The following PTPRT variants were observed in gnomAD, a reference collection of about 807,000 sequenced individuals.
PTPRT encodes the protein protein tyrosine phosphatase receptor type T.
PTPRT carries 56 observed loss-of-function variants against 176.8 expected under a neutral mutation model. The ratio of observed to expected loss-of-function variants is 0.32; its 90% CI spans 0.26 to 0.40. The LOEUF is 0.40. Ranked by LOEUF, PTPRT falls within the 10% of genes least tolerant of loss-of-function variation. The pLI is 1.00. For synonymous variants in PTPRT, 783 were observed against 739.0 expected (o/e 1.06, Z -0.96); for missense variants, 1,540 against 1,908.2 (o/e 0.81, Z 3.60).
At chr20:43,079,295 A>G (rs2011373968) in intron 1 of PTPRT, among the ~76,000 whole-genome samples, 1 of 148,498 alleles carries the variant, frequency 6.7e-6, no homozygotes, top group African/African-American at 2.5e-5. Flanking sequence ...CCTTCAGTCA[A>G]CTCTCAGGAT....
intron 11 of PTPRT, among the ~76,000 whole-genome samples, chr20:42,349,326 C>T (rs1600870241): frequency 6.6e-6 from 1 of 152,326 alleles, no homozygotes; most frequent in East Asian, 1.9e-4. Flanking sequence ...TTATAGCATG[C>T]TGTCTCTCTC....
chr20:42,270,356 G>T, intron 13 of PTPRT: 1 of 1,510,486 alleles, frequency 6.6e-7, no homozygotes, highest in Non-Finnish European at 9.0e-7. Flanking sequence ...CTGAGTGTGG[G>T]CAACTCTCCC....
At chr20:42,584,995 T>C (rs2073446964) in intron 7 of PTPRT, among the ~76,000 whole-genome samples, 1 of 152,208 alleles carries the variant, frequency 6.6e-6, no homozygotes, top group Non-Finnish European at 1.5e-5. Flanking sequence ...CCCATCCTGC[T>C]AGGGATGTGT....
intron 2 of PTPRT, among the ~76,000 whole-genome samples, chr20:42,832,219 A>G (rs1486204230): frequency 6.6e-6 from 1 of 152,232 alleles, no homozygotes; most frequent in Admixed American, 6.5e-5. Context: ...GTCTTGCAGG[A>G]ATATGGATGG....
chr20:42,434,910 A>G (rs1047499796), intron 9 of PTPRT, among the ~76,000 whole-genome samples: 15 of 152,128 alleles, frequency 9.9e-5, no homozygotes, highest in Non-Finnish European at 7.4e-5. Context: ...GGTTGCAGTA[A>G]GTTGAGATTG....
chr20:42,993,175 T>C (rs1304408512), intron 1 of PTPRT, among the ~76,000 whole-genome samples: 1 of 151,774 alleles, frequency 6.6e-6, no homozygotes, highest in Non-Finnish European at 1.5e-5. Flanking sequence ...TCCCAGCACT[T>C]TGGGAGGCCG....
At chr20:42,388,766 C>A (rs543406359) in intron 9 of PTPRT, among the ~76,000 whole-genome samples, 27 of 152,322 alleles carry the variant, frequency 1.8e-4, no homozygotes, top group Admixed American at 8.5e-4. Context: ...CCAGCCATCC[C>A]ATTACTGGGT....
In PTPRT at chr20:42,073,636, G is replaced by C. The variant is rs571886112; in HGVS notation, c.*7243C>G. 9.3e-5 allele frequency: 20 copies of C among 215,708 alleles called. No homozygotes were observed. Among genetic ancestry groups the C allele is most frequent in the African/African-American group, 4.6e-4 (20 of 43,326 alleles). 13.4% of individuals were successfully genotyped at this position (215,708 alleles called of 1,614,324 possible). A position where few individuals can be genotyped will look rare whatever the true frequency, so the allele number is the denominator to read the frequency against. On this transcript the variant is annotated 3_prime_UTR_variant, in exon 31 of 31. Transcript: ENST00000373187. The stretch of plus-strand genomic sequence containing the variant: ...GTATTGGGTCTATGGCAAAGCAGCT[G>C]TTCCCTATGGTTTGCTGTTTGGTGA...
At chr20:42,298,299 A>G (rs1186307175) in intron 12 of PTPRT, among the ~76,000 whole-genome samples, 1 of 152,228 alleles carries the variant, frequency 6.6e-6, no homozygotes, top group Non-Finnish European at 1.5e-5. Flanking sequence ...ATTGAGATAT[A>G]ATTTCTTACA....
At chr20:42,430,859 G>T (rs2059210547) in intron 9 of PTPRT, among the ~76,000 whole-genome samples, 1 of 152,188 alleles carries the variant, frequency 6.6e-6, no homozygotes, top group Non-Finnish European at 1.5e-5. Flanking sequence ...CTGGTGGGCT[G>T]CCAAAGGCCT....
At chr20:42,350,596 A>T (rs763072288) in intron 11 of PTPRT, 32 bp downstream of exon 11, 12 of 1,525,454 alleles carry the variant, frequency 7.9e-6, no homozygotes, top group Middle Eastern at 1.7e-4. Context: ...GAGAAGAAAA[A>T]CTGCAGACTC....
chr20:42,938,002 G>A (rs745428184), intron 1 of PTPRT, among the ~76,000 whole-genome samples: 17 of 152,074 alleles, frequency 1.1e-4, no homozygotes, highest in Non-Finnish European at 2.4e-4. Context: ...GACTCATACA[G>A]ATATGAAATA....
chr20:42,571,698 C>T (rs1379860070), intron 7 of PTPRT, among the ~76,000 whole-genome samples: 1 of 152,146 alleles, frequency 6.6e-6, no homozygotes, highest in Non-Finnish European at 1.5e-5. Flanking sequence ...TGCCAAACTG[C>T]TATCCAAGAA....
chr20:42,509,465 A>T (rs1339067344), intron 7 of PTPRT, among the ~76,000 whole-genome samples: 6 of 123,162 alleles, frequency 4.9e-5, no homozygotes, highest in African/African-American at 1.8e-4. Flanking sequence ...TATAGATATA[A>T]ATTATATAAT....
At chr20:43,001,755 C>T (rs1244877510) in intron 1 of PTPRT, among the ~76,000 whole-genome samples, 1 of 151,990 alleles carries the variant, frequency 6.6e-6, no homozygotes, top group Non-Finnish European at 1.5e-5. Context: ...TTAAGTTTTA[C>T]CAAGAAAGAT....
rs1325217305 is a variant in PTPRT at position 42,099,542 on chromosome 20, T to TGGGTGGG, written c.3715-991_3715-990insCCCACCC. Among the ~76,000 whole-genome samples the TGGGTGGG allele has an allele frequency of 3.6e-3, 31 of 8,698 alleles. 1 individual carries two copies. The highest frequency in any genetic ancestry group is 6.8e-3 in the South Asian group (1 of 146). The allele number at this position is 8,698 out of a possible 152,430, so 5.7% of individuals were successfully genotyped here. On this transcript the variant is annotated intron_variant, in intron 26 of 30. Transcript: ENST00000373187. ...AAACAGAGGCCCAGAGAAAATGGCC[T>TGGGTGGG]GGGCGGGGGGGGGGGGGGTGGGGTG...
At chr20:42,894,042 A>T (rs1230790060) in intron 1 of PTPRT, among the ~76,000 whole-genome samples, 1 of 149,784 alleles carries the variant, frequency 6.7e-6, no homozygotes, top group African/African-American at 2.5e-5. Flanking sequence ...TAAAAAATTA[A>T]AAAAAAAAGA....
At chr20:42,139,854 C>CA (rs1988542579) in intron 18 of PTPRT, among the ~76,000 whole-genome samples, 1 of 152,276 alleles carries the variant, frequency 6.6e-6, no homozygotes, top group Non-Finnish European at 1.5e-5. Context: ...GCAGGAGCTC[C>CA]ACCTCCCAGT....
intron 1 of PTPRT, among the ~76,000 whole-genome samples, chr20:42,987,554 C>A (rs894011717): frequency 6.6e-6 from 1 of 152,130 alleles, no homozygotes; most frequent in African/African-American, 2.4e-5. Context: ...GTCATGCTGT[C>A]ACACTCCAGC....
Sources: gnomAD v4.1 joint callset for allele counts (sites outside exome capture counted in the v4.1 genomes callset) on GRCh38, gnomAD v4.1.1 for gene constraint, MANE v1.5 for transcripts, NCBI Gene and HGNC (gene_info 2026-07-23, HGNC 2026-07-21) for gene names.